Variants in EYS observed in about 807,000 individuals in gnomAD.
EYS encodes EGF-like photoreceptor maintenance factor, also known as protein eyes shut homolog.
A neutral mutation model predicts 282.1 loss-of-function variants in EYS; 250 were observed. That is an observed-to-expected ratio of 0.89 (90% CI 0.80 to 0.98). The LOEUF (loss-of-function observed/expected upper bound fraction) is 0.98, where lower values mean the gene tolerates loss of function less well. Among genes scored for constraint, EYS ranks in the 50% least tolerant of loss-of-function variants. The pLI is 0.00. For missense variants in EYS, 4,016 were observed against 3,709.0 expected (o/e 1.08, Z -2.15); for synonymous variants, 1,355 against 1,282.9 (o/e 1.06, Z -1.20).
chr6:64,678,855 T>C (rs560994119), intron 22 of EYS, among the ~76,000 whole-genome samples: 2 of 151,412 alleles, frequency 1.3e-5, no homozygotes, highest in South Asian at 4.2e-4. Flanking sequence ...GGTTTGGTGA[T>C]AGGCGCCTGT....
intron 22 of EYS, among the ~76,000 whole-genome samples, 177 bp downstream of exon 22, chr6:64,813,201 G>A (rs748882314): frequency 1.4e-4 from 22 of 151,772 alleles, no homozygotes; most frequent in Middle Eastern, 3.2e-3. Context: ...TATGATATTT[G>A]GAAAATATAA....
At chr6:65,350,709 A>G (rs1770566557) in intron 9 of EYS, among the ~76,000 whole-genome samples, 1 of 151,672 alleles carries the variant, frequency 6.6e-6, no homozygotes, top group Non-Finnish European at 1.5e-5. Context: ...AATAATACAC[A>G]TAATGAACAT....
chr6:64,029,863 A>T (rs897268909), intron 33 of EYS, among the ~76,000 whole-genome samples: 3 of 152,246 alleles, frequency 2.0e-5, no homozygotes, highest in Non-Finnish European at 4.4e-5. Context: ...AAGTATGCTT[A>T]TCTAATCCTA....
At chr6:65,650,575 T>C (rs1767618423) in intron 1 of EYS, among the ~76,000 whole-genome samples, 1 of 152,226 alleles carries the variant, frequency 6.6e-6, no homozygotes, top group Non-Finnish European at 1.5e-5. Flanking sequence ...AACAGGATTC[T>C]CTGCTCGATC....
intron 4 of EYS, among the ~76,000 whole-genome samples, chr6:65,492,498 G>A (rs1474419968): frequency 3.3e-5 from 5 of 152,094 alleles, no homozygotes; most frequent in African/African-American, 7.2e-5. Context: ...ATGCATACAC[G>A]CAAATTAATA....
At chr6:64,783,090 G>A (rs147562051) in intron 22 of EYS, among the ~76,000 whole-genome samples, 45 of 152,198 alleles carry the variant, frequency 3.0e-4, no homozygotes, top group African/African-American at 9.9e-4. Flanking sequence ...TATCCACACC[G>A]TAGGCACTAC....
At chr6:65,588,557 G>A (rs899094297) in intron 2 of EYS, among the ~76,000 whole-genome samples, 5 of 144,952 alleles carry the variant, frequency 3.4e-5, no homozygotes, top group African/African-American at 9.7e-5. Flanking sequence ...TGTCCATATC[G>A]TGCCTCTGTA....
rs187154692 is a variant in EYS, at chr6:65,690,348, C to A, written c.-448+16787G>T. On this transcript the variant is annotated intron_variant, in intron 1 of 42. Coordinates refer to ENST00000503581, the MANE Select transcript of EYS (RefSeq NM_001142800.2). ...CTAAACAGACCTAGAAGACCCGTGG[C>A]AAGATGAGGGCGTTTATAGCCCTAT... Among the ~76,000 whole-genome samples, 363 of 149,986 alleles carry A rather than the reference C, an allele frequency of 2.4e-3. 5 individuals carry two copies. Among genetic ancestry groups the A allele is most frequent in the African/African-American group, 8.4e-3 (348 of 41,240 alleles).
intron 8 of EYS, among the ~76,000 whole-genome samples, chr6:65,362,278 G>T (rs912959283): frequency 2.6e-5 from 4 of 152,010 alleles, no homozygotes; most frequent in African/African-American, 7.2e-5. Context: ...GAATGAAATT[G>T]TCCCAGTTCT....
intron 14 of EYS, among the ~76,000 whole-genome samples, chr6:64,956,240 C>T (rs1162158070): frequency 6.6e-6 from 1 of 152,150 alleles, no homozygotes; most frequent in Non-Finnish European, 1.5e-5. Context: ...GGCATAAAAA[C>T]AGATACAGAC....
chr6:63,943,727 C>T (rs998005571), intron 35 of EYS, among the ~76,000 whole-genome samples: 3 of 152,168 alleles, frequency 2.0e-5, no homozygotes, highest in African/African-American at 7.2e-5. Context: ...AGAGGCATTG[C>T]CCTTGTTTCT....
At chr6:63,899,075 G>A (rs746314289) in intron 35 of EYS, among the ~76,000 whole-genome samples, 2 of 152,228 alleles carry the variant, frequency 1.3e-5, no homozygotes, top group African/African-American at 4.8e-5. Context: ...TGGAAAAAAA[G>A]AGAGTGCAGA....
intron 12 of EYS, among the ~76,000 whole-genome samples, chr6:65,295,158 TG>T (rs1768627786): frequency 6.6e-6 from 1 of 151,940 alleles, no homozygotes; most frequent in African/African-American, 2.4e-5. Context: ...TAAATAATTT[TG>T]TTTTATAAGT....
intron 1 of EYS, among the ~76,000 whole-genome samples, chr6:65,666,802 C>A (rs941361068): frequency 2.7e-5 from 4 of 150,614 alleles, no homozygotes; most frequent in African/African-American, 7.3e-5. Context: ...AAAAAAGGTT[C>A]TTTATCTGTT....
At chr6:64,313,499 C>A (rs955714977) in intron 29 of EYS, among the ~76,000 whole-genome samples, 1 of 151,976 alleles carries the variant, frequency 6.6e-6, no homozygotes, top group Non-Finnish European at 1.5e-5. Flanking sequence ...CCTAACAAGG[C>A]GGATCAACAT....
intron 35 of EYS, among the ~76,000 whole-genome samples, chr6:63,935,026 C>T (rs969880040): frequency 1.3e-5 from 2 of 152,182 alleles, no homozygotes; most frequent in Non-Finnish European, 2.9e-5. Flanking sequence ...TCCCCATTAT[C>T]TACTTAATAA....
At chr6:65,229,996 G>A (rs1361277552) in intron 12 of EYS, among the ~76,000 whole-genome samples, 1 of 151,856 alleles carries the variant, frequency 6.6e-6, no homozygotes, top group Admixed American at 6.6e-5. Flanking sequence ...AACCATTTAA[G>A]TAATAAGGGG....
chr6:64,866,521 T>C (rs1052837242), intron 19 of EYS, among the ~76,000 whole-genome samples: 1 of 151,848 alleles, frequency 6.6e-6, no homozygotes, highest in Non-Finnish European at 1.5e-5. Flanking sequence ...TTTAAAGCAA[T>C]AGAATTTTTC....
chr6:65,655,669 G>GT, intron 1 of EYS, among the ~76,000 whole-genome samples: 1 of 151,684 alleles, frequency 6.6e-6, no homozygotes, highest in East Asian at 1.9e-4. Context: ...TTGTTTGTTT[G>GT]TTTTTTAACA....
Sources: allele counts gnomAD v4.1 joint callset (sites outside exome capture counted in the v4.1 genomes callset), GRCh38; gene constraint gnomAD v4.1.1; transcripts MANE v1.5; gene names NCBI Gene and HGNC (gene_info 2026-07-23, HGNC 2026-07-21).